Variants in ATP8B1 observed in about 807,000 individuals in gnomAD.
ATP8B1 encodes the protein ATPase phospholipid transporting 8B1.
ATP8B1 carries 80 observed loss-of-function variants against 149.9 expected under a neutral mutation model. The observed-to-expected ratio is 0.53, with a 90% CI of 0.45 to 0.64. The LOEUF (loss-of-function observed/expected upper bound fraction) is 0.64. ATP8B1 is among the 30% of genes least tolerant of loss of function. ATP8B1 has a pLI of 0.00. For synonymous variants in ATP8B1, 536 were observed against 562.8 expected, an observed-to-expected ratio of 0.95 and a Z score of 0.67; for missense variants, 1,247 against 1,552.6, an observed-to-expected ratio of 0.80 and a Z score of 3.31.
At chr18:57,670,391 G>A (rs907583742) in intron 17 of ATP8B1, among the ~76,000 whole-genome samples, 4 of 133,508 alleles carry the variant, frequency 3.0e-5, no homozygotes, top group Non-Finnish European at 6.2e-5. Flanking sequence ...TCACTCTATC[G>A]CCCAGGCTTG....
At chr18:57,689,824 T>G (rs897197338) in intron 12 of ATP8B1, among the ~76,000 whole-genome samples, 11 of 152,182 alleles carry the variant, frequency 7.2e-5, no homozygotes, top group African/African-American at 2.7e-4. Flanking sequence ...AAGACCAGCC[T>G]GACCAACATG....
At chr18:57,656,982 CTTTTTTCTT>C (rs1015557740) in intron 22 of ATP8B1, among the ~76,000 whole-genome samples, 2 of 151,982 alleles carry the variant, frequency 1.3e-5, no homozygotes, top group African/African-American at 2.4e-5. Flanking sequence ...AATAAATTTA[CTTTTTTCTT>C]TTTTTTCTTT....
intron 13 of ATP8B1, among the ~76,000 whole-genome samples, chr18:57,687,472 G>C (rs1912308593): frequency 6.6e-6 from 1 of 152,184 alleles, no homozygotes; most frequent in Non-Finnish European, 1.5e-5. Flanking sequence ...ACCAAGTTCT[G>C]ATTGCAAAAA....
Position 57,731,843 on chromosome 18 carries a change from AAG to A in ATP8B1, c.-25-13_-25-12del. The stretch of plus-strand genomic sequence containing the variant: ...AATTGGAACTACCTGCTTAAAAGGA[AAG>A]AGAAACCAGAGTGAATTATGACTCT... On this transcript the variant is annotated splice_polypyrimidine_tract_variant and intron_variant, in intron 1 of 27. Coordinates refer to ENST00000648908, the MANE Select transcript of ATP8B1 (RefSeq NM_001374385.1). The A allele has an allele frequency of 1.2e-6, 2 of 1,613,086 alleles. No individual in the cohort carries two copies. The highest frequency in any genetic ancestry group is 4.5e-5 in the East Asian group (2 of 44,868).
At chr18:57,772,465 A>G (rs1194470916) in intron 1 of ATP8B1, among the ~76,000 whole-genome samples, 1 of 152,210 alleles carries the variant, frequency 6.6e-6, no homozygotes, top group Non-Finnish European at 1.5e-5. Context: ...TTCAGTTACT[A>G]AAGTGCGGGT....
At chr18:57,719,340 C>T (rs1464014570) in intron 2 of ATP8B1, among the ~76,000 whole-genome samples, 1 of 152,216 alleles carries the variant, frequency 6.6e-6, no homozygotes, top group Non-Finnish European at 1.5e-5. Flanking sequence ...CCATTTCCAT[C>T]TGAGGTACCG....
chr18:57,722,871 C>G (rs1019844057), intron 2 of ATP8B1, among the ~76,000 whole-genome samples: 12 of 149,268 alleles, frequency 8.0e-5, no homozygotes, highest in African/African-American at 2.7e-4. Context: ...CAAACCGAAT[C>G]CAGCAACACA....
intron 1 of ATP8B1, among the ~76,000 whole-genome samples, chr18:57,753,058 A>G (rs12606644): frequency 0.66 from 100,645 of 152,066 alleles, 33,692 homozygotes; most frequent in South Asian, 0.74. Flanking sequence ...AAGACATTCT[A>G]TATTTTCTAG....
intron 1 of ATP8B1, among the ~76,000 whole-genome samples, chr18:57,739,512 T>C (rs975398918): frequency 8.5e-5 from 13 of 152,164 alleles, no homozygotes; most frequent in Non-Finnish European, 1.6e-4. Flanking sequence ...GATTGGTCTG[T>C]GAATACTCAG....
chr18:57,651,228 C>T (rs570465902), intron 26 of ATP8B1, among the ~76,000 whole-genome samples: 12 of 152,238 alleles, frequency 7.9e-5, no homozygotes, highest in Admixed American at 7.2e-4. Context: ...ACCTTAGCCT[C>T]CTGAATAGCT....
chr18:57,730,573 G>A (rs1408399874), intron 2 of ATP8B1, among the ~76,000 whole-genome samples: 1 of 152,136 alleles, frequency 6.6e-6, no homozygotes, highest in Non-Finnish European at 1.5e-5. Flanking sequence ...AGAACCAGCA[G>A]GAGATGAAAT....
At chr18:57,682,099 G>A (rs891732429) in intron 15 of ATP8B1, among the ~76,000 whole-genome samples, 6 of 151,674 alleles carry the variant, frequency 4.0e-5, no homozygotes, top group Non-Finnish European at 8.8e-5. Context: ...CTGCCTGCCA[G>A]GTTCAAGCGA....
chr18:57,683,168 T>C (rs1259616320), intron 15 of ATP8B1, among the ~76,000 whole-genome samples: 1 of 152,176 alleles, frequency 6.6e-6, no homozygotes, highest in Non-Finnish European at 1.5e-5. Context: ...CTCTGGAAAT[T>C]TCATACCTGC....
intron 2 of ATP8B1, among the ~76,000 whole-genome samples, chr18:57,715,377 T>C (rs567419108): frequency 2.0e-5 from 3 of 151,846 alleles, no homozygotes; most frequent in East Asian, 1.9e-4. Flanking sequence ...ATCTAGAAAA[T>C]AGACTTAAAA....
At chr18:57,662,364 T>G (rs1910514594) in intron 21 of ATP8B1, 119 bp downstream of exon 21, 2 of 1,267,996 alleles carry the variant, frequency 1.6e-6, no homozygotes, top group Admixed American at 2.0e-5. Context: ...AAACCACACT[T>G]TCATGTATAG....
chr18:57,676,717 CAAAAAA>C (rs58101846), intron 15 of ATP8B1, among the ~76,000 whole-genome samples: 7 of 92,218 alleles, frequency 7.6e-5, no homozygotes, highest in African/African-American at 8.5e-5. Flanking sequence ...GACTCCATTT[CAAAAAA>C]AAAAAAAAAA....
chr18:57,785,212 C>T (rs1330011966), intron 1 of ATP8B1, among the ~76,000 whole-genome samples: 1 of 152,194 alleles, frequency 6.6e-6, no homozygotes, highest in Non-Finnish European at 1.5e-5. Flanking sequence ...TGTCTTTTGA[C>T]AACAACATAA....
At chr18:57,709,369 A>G (rs1270230258) in intron 2 of ATP8B1, among the ~76,000 whole-genome samples, 1 of 152,238 alleles carries the variant, frequency 6.6e-6, no homozygotes, top group Non-Finnish European at 1.5e-5. Flanking sequence ...AACTGATTTT[A>G]TTTTATAAGT....
At chr18:57,686,775 A>G (rs1223018684) in intron 13 of ATP8B1, among the ~76,000 whole-genome samples, 1 of 152,110 alleles carries the variant, frequency 6.6e-6, no homozygotes, top group Admixed American at 6.6e-5. Flanking sequence ...GGCTCAAGGG[A>G]TGTGCCTGAC....
Sources: gnomAD v4.1 joint callset for allele counts (sites outside exome capture counted in the v4.1 genomes callset) on GRCh38, gnomAD v4.1.1 for gene constraint, MANE v1.5 for transcripts, NCBI Gene and HGNC (gene_info 2026-07-23, HGNC 2026-07-21) for gene names.